Variants in MYOZ2 observed in about 807,000 individuals in gnomAD.
MYOZ2 encodes myozenin 2.
MYOZ2 carries 19 observed loss-of-function variants against 25.4 expected under a neutral mutation model. The ratio of observed to expected loss-of-function variants is 0.75; its 90% CI spans 0.52 to 1.10. The LOEUF (loss-of-function observed/expected upper bound fraction) is 1.10. Ranked by LOEUF, MYOZ2 falls within the 50% of genes least tolerant of loss-of-function variation. MYOZ2 has a pLI of 0.00. For missense variants in MYOZ2, 270 were observed against 317.9 expected (o/e 0.85, Z 1.15); for synonymous variants, 92 against 106.9 (o/e 0.86, Z 0.86).
At chr4:119,139,373 A>T (rs1741109915) in intron 2 of MYOZ2, among the ~76,000 whole-genome samples, 2 of 152,202 alleles carry the variant, frequency 1.3e-5, no homozygotes, top group African/African-American at 4.8e-5. Context: ...CTATTGTAAA[A>T]GACAAAAGAT....
intron 4 of MYOZ2, among the ~76,000 whole-genome samples, chr4:119,163,730 T>C (rs1264099508): frequency 6.6e-6 from 1 of 152,140 alleles, no homozygotes; most frequent in African/African-American, 2.4e-5. Context: ...CACTCAGCAA[T>C]TGAAGACAGA....
chr4:119,143,968 A>G (rs1036148054), intron 2 of MYOZ2, among the ~76,000 whole-genome samples: 30 of 152,278 alleles, frequency 2.0e-4, no homozygotes, highest in African/African-American at 7.2e-4. Context: ...GGGCTATCCC[A>G]TGTGCCCTTT....
At chr4:119,171,029 C>A (rs1326519538) in intron 5 of MYOZ2, among the ~76,000 whole-genome samples, 1 of 152,004 alleles carries the variant, frequency 6.6e-6, no homozygotes, top group Non-Finnish European at 1.5e-5. Flanking sequence ...AAATAAATAA[C>A]AGCAAACCTG....
At chr4:119,172,296 T>C (rs1009142362) in intron 5 of MYOZ2, among the ~76,000 whole-genome samples, 4 of 152,246 alleles carry the variant, frequency 2.6e-5, no homozygotes, top group African/African-American at 9.6e-5. Flanking sequence ...CAGAGCTGGC[T>C]GCATGACGGG....
At chr4:119,163,465 T>C (rs1741751466) in intron 4 of MYOZ2, among the ~76,000 whole-genome samples, 1 of 152,194 alleles carries the variant, frequency 6.6e-6, no homozygotes, top group South Asian at 2.1e-4. Flanking sequence ...AGTGTCACTC[T>C]ATGCATGTGA....
intron 3 of MYOZ2, among the ~76,000 whole-genome samples, chr4:119,157,302 C>T (rs1320017580): frequency 6.6e-6 from 1 of 152,190 alleles, no homozygotes; most frequent in South Asian, 2.1e-4. Context: ...GAGGACATAA[C>T]CTACTACGAT....
intron 5 of MYOZ2, among the ~76,000 whole-genome samples, chr4:119,179,909 A>G (rs1303088636): frequency 6.6e-6 from 1 of 152,238 alleles, no homozygotes; most frequent in Admixed American, 6.5e-5. Flanking sequence ...CAGCGCCCTC[A>G]TGACTTGGTA....
At chr4:119,182,380 C>G (rs1254472161) in intron 5 of MYOZ2, among the ~76,000 whole-genome samples, 1 of 152,170 alleles carries the variant, frequency 6.6e-6, no homozygotes, top group Non-Finnish European at 1.5e-5. Context: ...CATCCTCAAC[C>G]TGGATCATGG....
intron 2 of MYOZ2, among the ~76,000 whole-genome samples, chr4:119,146,394 A>G (rs1303396860): frequency 6.6e-6 from 1 of 151,660 alleles, no homozygotes; most frequent in Non-Finnish European, 1.5e-5. Flanking sequence ...CACTGTGTTG[A>G]CTGTTTCCCA....
intron 5 of MYOZ2, among the ~76,000 whole-genome samples, chr4:119,169,820 TA>T (rs1306992796): frequency 6.6e-6 from 1 of 152,192 alleles, no homozygotes; most frequent in Non-Finnish European, 1.5e-5. Context: ...TCAGCCTTCA[TA>T]AAACTAAATA....
At chr4:119,167,954 T>A (rs1741858822) in intron 5 of MYOZ2, among the ~76,000 whole-genome samples, 1 of 152,036 alleles carries the variant, frequency 6.6e-6, no homozygotes, top group South Asian at 2.1e-4. Flanking sequence ...CTGATGGCAA[T>A]GTACACGGAG....
intron 2 of MYOZ2, among the ~76,000 whole-genome samples, chr4:119,143,164 CT>C: frequency 6.6e-6 from 1 of 151,894 alleles, no homozygotes; most frequent in South Asian, 2.1e-4. Context: ...GCTCTTAATA[CT>C]GTTACAATGG....
intron 2 of MYOZ2, among the ~76,000 whole-genome samples, chr4:119,148,099 G>A (rs1316500524): frequency 6.6e-6 from 1 of 152,076 alleles, no homozygotes; most frequent in African/African-American, 2.4e-5. Context: ...ATTTCTTGCA[G>A]GATATATTTC....
intron 2 of MYOZ2, among the ~76,000 whole-genome samples, chr4:119,142,301 G>C (rs747370776): frequency 6.6e-6 from 1 of 152,086 alleles, no homozygotes; most frequent in Non-Finnish European, 1.5e-5. Flanking sequence ...CCTCAAGAGC[G>C]TAACGTCTCT....
In MYOZ2 at chr4:119,164,223, C is replaced by T. The variant is rs890598036; in HGVS notation, c.389C>T (p.Pro130Leu). The T allele has an allele frequency of 1.9e-6, 3 of 1,613,756 alleles. No individual in the cohort carries two copies. The African/African-American group carries it at 4.0e-5, about 22-fold the overall frequency. The change falls in exon 5 of 6, where the codon CCA (proline) becomes CTA (leucine). Residue 130 changes from proline (P) to leucine (L), a missense_variant. Transcript: ENST00000307128. ...PDNIAPGYSG[P>L]LKEIPPEKFN... ...TATTTTTCCAAAGGATATTCTGGACCACTGAAGGAAATTCCTCCTGAAAAA... is the reference window on the plus strand; with the variant it reads ...TATTTTTCCAAAGGATATTCTGGACTACTGAAGGAAATTCCTCCTGAAAAA...
At chr4:119,149,322 G>T (rs1741391832) in intron 2 of MYOZ2, among the ~76,000 whole-genome samples, 1 of 152,224 alleles carries the variant, frequency 6.6e-6, no homozygotes, top group South Asian at 2.1e-4. Flanking sequence ...GGGAGTATTG[G>T]AGAAACTTGT....
intron 5 of MYOZ2, among the ~76,000 whole-genome samples, chr4:119,181,902 T>A (rs1226553911): frequency 7.9e-5 from 12 of 152,110 alleles, no homozygotes; most frequent in Non-Finnish European, 1.5e-5. Context: ...TATTGCAGAG[T>A]TCAAACAGTA....
intron 4 of MYOZ2, 144 bp from the exon 5 acceptor site, chr4:119,164,067 C>A: frequency 2.7e-6 from 2 of 745,962 alleles, no homozygotes; most frequent in Non-Finnish European, 4.6e-6. Context: ...CACTTGCAGA[C>A]TGCTGTTTTC....
chr4:119,136,170 G>A (rs142192169), intron 1 of MYOZ2, among the ~76,000 whole-genome samples, 188 bp downstream of exon 1: 259 of 152,308 alleles, frequency 1.7e-3, no homozygotes, highest in Middle Eastern at 6.8e-3. Context: ...TTGATGGAGT[G>A]TGATGCTGGT....
Sources: allele counts gnomAD v4.1 joint callset (sites outside exome capture counted in the v4.1 genomes callset), GRCh38; gene constraint gnomAD v4.1.1; transcripts MANE v1.5; gene names NCBI Gene and HGNC (gene_info 2026-07-23, HGNC 2026-07-21).